PARP9: variants seen among roughly 807,000 people sequenced by gnomAD.
The protein encoded by PARP9 is poly(ADP-ribose) polymerase family member 9.
PARP9 carries 48 observed loss-of-function variants against 68.8 expected under a neutral mutation model. The observed-to-expected ratio is 0.70, with a 90% CI of 0.55 to 0.89. The LOEUF is 0.89. Among genes scored for constraint, PARP9 ranks in the 40% least tolerant of loss-of-function variants. PARP9 has a pLI of 0.00. For missense variants in PARP9, 806 were observed against 969.3 expected (o/e 0.83, Z 2.24); for synonymous variants, 309 against 333.8 (o/e 0.93, Z 0.81).
At chr3:122,538,571 G>A (rs2077830222) in intron 8 of PARP9, among the ~76,000 whole-genome samples, 2 of 151,948 alleles carry the variant, frequency 1.3e-5, no homozygotes, top group Non-Finnish European at 1.5e-5. Context: ...GCCATCGTGC[G>A]GCAGAGCAAG....
At position 122,528,259 on chromosome 3, in the gene PARP9, A is replaced by G. The variant is rs2077069864; in HGVS notation, c.*105T>C. 2 of 1,401,484 alleles carry G rather than the reference A, an allele frequency of 1.4e-6. No homozygotes were observed. Among genetic ancestry groups the G allele is most frequent in the South Asian group, 2.7e-5 (2 of 73,084 alleles). The allele number at this position is 1,401,484 out of a possible 1,614,324, so 86.8% of individuals were successfully genotyped here. On this transcript the variant is annotated 3_prime_UTR_variant, in exon 11 of 11. Transcript: ENST00000682323. ...TCAATAACCCAGTCAGTCCATACAG[A>G]TAACCCATGGGATATATTCAAGCCA...
In PARP9 at chr3:122,534,906, C is replaced by G. The variant is rs546994540; in HGVS notation, c.2080+1262G>C. The stretch of plus-strand genomic sequence containing the variant: ...AATAAATAAATAAATAAAGAGAGAA[C>G]TGCCTGAACTTGAGCTGATGATGAG... On this transcript the variant is annotated intron_variant, in intron 10 of 10. Coordinates refer to ENST00000682323, the MANE Select transcript of PARP9 (RefSeq NM_001146105.2). 1.7e-5 allele frequency: 16 copies of G among 966,078 alleles called. No homozygotes were observed. In the South Asian group the frequency reaches 4.8e-4, roughly 29 times the overall value. 59.8% of individuals were successfully genotyped at this position (966,078 alleles called of 1,614,324 possible).
rs1455892431 is a variant in PARP9 at position 122,552,622 on chromosome 3, A to G, written c.903T>C (p.Asn301=). The G allele has an allele frequency of 1.9e-6, 3 of 1,610,354 alleles. No homozygotes were observed. The highest frequency in any genetic ancestry group is 2.7e-5 in the African/African-American group (2 of 74,992). ...IEWQTADVIV[N]SVNPHDITVG... is the part of the protein sequence containing the mutation. ...CTGTAATATCATGTGGGTTTACAGA[A>G]TTAACAATTACATCTGCCTGAAAAG... The change falls in exon 5 of 11, where the codon AAT becomes AAC. Residue 301 remains asparagine, a synonymous_variant. Transcript: ENST00000682323.
intron 6 of PARP9, among the ~76,000 whole-genome samples, chr3:122,548,854 G>A (rs2078967298): frequency 6.6e-6 from 1 of 152,166 alleles, no homozygotes; most frequent in African/African-American, 2.4e-5. Flanking sequence ...AACTAGCCAG[G>A]CATACCACTG....
chr3:122,552,234 T>G (rs1243768581), intron 5 of PARP9, among the ~76,000 whole-genome samples, 184 bp downstream of exon 5: 1 of 152,158 alleles, frequency 6.6e-6, no homozygotes, highest in Non-Finnish European at 1.5e-5. Flanking sequence ...TCAAACTTCT[T>G]AAGATAACTT....
At chr3:122,536,521 T>C in intron 9 of PARP9, 179 bp from the exon 10 acceptor site, 1 of 1,198,356 alleles carries the variant, frequency 8.3e-7, no homozygotes, top group East Asian at 2.6e-5. Flanking sequence ...CTATTTTGAT[T>C]CGTTCTTCAA....
At chr3:122,564,182 C>T in intron 1 of PARP9, 63 bp downstream of exon 1, 1 of 493,578 alleles carries the variant, frequency 2.0e-6, no homozygotes, top group Non-Finnish European at 3.5e-6. Context: ...CCCCTTCTCC[C>T]CGCCCACCTC....
intron 1 of PARP9, among the ~76,000 whole-genome samples, chr3:122,560,535 C>T (rs925719145): frequency 4.6e-5 from 7 of 152,166 alleles, no homozygotes; most frequent in Non-Finnish European, 8.8e-5. Context: ...TACAGGCGCC[C>T]GCCACCACGC....
Position 122,528,469 on chromosome 3 carries a change from T to G in PARP9, c.2355A>C (p.Thr785=). 1 of 1,614,206 alleles carries G rather than the reference T, an allele frequency of 6.2e-7. No individual in the cohort carries two copies. Among genetic ancestry groups the G allele is most frequent in the Non-Finnish European group, 8.5e-7 (1 of 1,180,034 alleles). Residue 785 remains threonine, a synonymous_variant, in exon 11 of 11, where the codon ACA becomes ACC. Transcript: ENST00000682323. Reference sequence around the variant, plus strand: ...GTGACTGTACATATTCCTGGGTGCATGTCCACAAATACTGAGGTATAGCCT... The same window carrying G: ...GTGACTGTACATATTCCTGGGTGCAGGTCCACAAATACTGAGGTATAGCCT... The part of the protein sequence containing the change: ...GMQAIPQYLW[T]CTQEYVQSQD...
Position 122,536,215 on chromosome 3 carries a change from T to C in PARP9, c.2033A>G (p.Asn678Ser). The change falls in exon 10 of 11, where the codon AAT (asparagine) becomes AGT (serine). Residue 678 changes from asparagine to serine, a missense_variant. Physicochemically the swap from Asn to Ser is conservative, Grantham distance 46 (BLOSUM62 1). Around this residue, in one of 2 missense-constraint regions of PARP9, gnomAD observed 680 missense variants for 858.8 expected, o/e 0.79. Coordinates refer to ENST00000682323, the MANE Select transcript of PARP9 (RefSeq NM_001146105.2). ...TTGAAAGCCAACTCTGCATACCACA[T>C]TGCAGAACTGGTATGGGACTTGCTG... The part of the protein sequence containing the change: ...LFQQVPYQFC[N>S]VVCRVGFQRM... 1 of 1,614,158 alleles carries C rather than the reference T, an allele frequency of 6.2e-7. No individual in the cohort carries two copies. The highest frequency in any genetic ancestry group is 1.3e-5 in the African/African-American group (1 of 75,034).
At chr3:122,529,702 C>G (rs1039860804) in intron 10 of PARP9, among the ~76,000 whole-genome samples, 1 of 147,266 alleles carries the variant, frequency 6.8e-6, no homozygotes, top group Non-Finnish European at 1.5e-5. Context: ...TGCAGTGAGC[C>G]GAGGTTGCGC....
Position 122,528,289 on chromosome 3 carries a change from T to C in PARP9, c.*75A>G. On this transcript the variant is annotated 3_prime_UTR_variant, in exon 11 of 11. Transcript: ENST00000682323. ...CCATGGGATATATTCAAGCCACTCT[T>C]TGAGCCATCGATGGTCATTATTTGG... The C allele has an allele frequency of 6.5e-7, 1 of 1,536,844 alleles. No individual in the cohort carries two copies. The highest frequency in any genetic ancestry group is 1.3e-5 in the South Asian group (1 of 79,248).
Position 122,555,498 on chromosome 3 carries a change from G to A in PARP9, c.673C>T (p.Arg225Trp), listed in dbSNP as rs370442368. The A allele has an allele frequency of 4.4e-5, 71 of 1,613,938 alleles. No individual in the cohort carries two copies. The highest frequency in any genetic ancestry group is 6.7e-5 in the African/African-American group (5 of 74,882). ...ATTGGCTTCCCTTGCAAACTAACCC[G>A]GATAGTCTCTACAATAGTCTTTGTA... is the stretch of plus-strand genomic sequence containing the variant. ...LCTKTIVETI[R>W]VSLQGKPMMS... The change falls in exon 4 of 11, where the codon CGG becomes TGG. Residue 225 changes from arginine (R) to tryptophan (W), a missense_variant. Arg to Trp is a moderately radical substitution (Grantham distance 101, BLOSUM62 -3). Around this residue, in one of 2 missense-constraint regions of PARP9, gnomAD observed 680 missense variants for 858.8 expected, o/e 0.79. Coordinates refer to ENST00000682323, the MANE Select transcript of PARP9 (RefSeq NM_001146105.2).
At chr3:122,530,176 C>CAAAAAA (rs11295677) in intron 10 of PARP9, among the ~76,000 whole-genome samples, 16 of 82,302 alleles carry the variant, frequency 1.9e-4, no homozygotes, top group Non-Finnish European at 3.5e-4. Context: ...GGCCCTGTCT[C>CAAAAAA]AAAAAAAAAA....
chr3:122,540,622 T>G lies in PARP9; in HGVS notation c.1615A>C (p.Thr539Pro). Residue 539 changes from threonine to proline, a missense_variant, in exon 8 of 11, where the codon ACA becomes CCA. Around this residue, in one of 2 missense-constraint regions of PARP9, gnomAD observed 680 missense variants for 858.8 expected, o/e 0.79. Transcript: ENST00000682323. ...GTCCTTCCTGGGCTGATAATTTCTG[T>G]GATGGAGACACTTGAAGTTTTCTGA... ...QLQKTSSVSITEIISPGRTEL... is the reference protein window; with the variant it reads ...QLQKTSSVSIPEIISPGRTEL... 6.2e-7 allele frequency: 1 copy of G among 1,614,166 alleles called. No individual in the cohort carries two copies. The highest frequency in any genetic ancestry group is 1.1e-5 in the South Asian group (1 of 91,078).
chr3:122,532,910 C>T (rs2077405082), intron 10 of PARP9: 1 of 152,226 alleles, frequency 6.6e-6, no homozygotes. Context: ...TGGGTGATGA[C>T]TGCTGAAATA....
At position 122,555,385 on chromosome 3, in the gene PARP9, C is replaced by G; in HGVS notation, c.786G>C (p.Gly262=). Reference sequence around the variant, plus strand: ...TGGTTTCTTGTCCCAGCTCACTCTTCCCTAGGATGAATTCTGAAGCAGCTT... The same window carrying G: ...TGGTTTCTTGTCCCAGCTCACTCTTGCCTAGGATGAATTCTGAAGCAGCTT... ...AFKAASEFIL[G]KSELGQETTP... Residue 262 remains glycine, a synonymous_variant, in exon 4 of 11, where the codon GGG becomes GGC. Transcript: ENST00000682323. 6.2e-7 allele frequency: 1 copy of G among 1,614,116 alleles called. No individual in the cohort carries two copies. Among genetic ancestry groups the G allele is most frequent in the East Asian group, 2.2e-5 (1 of 44,878 alleles).
intron 8 of PARP9, among the ~76,000 whole-genome samples, chr3:122,539,314 T>G (rs1198952675): frequency 1.3e-5 from 2 of 152,156 alleles, no homozygotes; most frequent in Non-Finnish European, 2.9e-5. Flanking sequence ...CCCAGAGCAC[T>G]TTTCGCTCTC....
rs754744010 is a variant in PARP9 at position 122,555,883 on chromosome 3, A to G, written c.288T>C (p.Ala96=). 1.2e-6 allele frequency: 2 copies of G among 1,614,078 alleles called. No homozygotes were observed. Among genetic ancestry groups the G allele is most frequent in the Non-Finnish European group, 1.7e-6 (2 of 1,180,004 alleles). Residue 96 remains alanine (A), a synonymous_variant, in exon 4 of 11, where the codon GCT becomes GCC. Transcript: ENST00000682323. The part of the protein sequence containing the change: ...SVWKDDLTTH[A]VDAVVNAANE... The stretch of plus-strand genomic sequence containing the variant: ...TGGCTGCATTCACCACAGCATCAAC[A>G]GCATGTGTGGTGAGGTCATCTTTCC...
Sources: allele counts gnomAD v4.1 joint callset (sites outside exome capture counted in the v4.1 genomes callset), GRCh38; gene constraint gnomAD v4.1.1; regional missense constraint gnomAD v4.1.1; transcripts MANE v1.5; gene names NCBI Gene and HGNC (gene_info 2026-07-23, HGNC 2026-07-21).